The following NCAM1 variants were observed in gnomAD, a reference collection of about 807,000 sequenced individuals.
NCAM1 encodes neural cell adhesion molecule 1.
NCAM1 carries 14 observed loss-of-function variants against 109.8 expected under a neutral mutation model. The ratio of observed to expected loss-of-function variants is 0.13; its 90% CI spans 0.08 to 0.20. NCAM1 has a LOEUF of 0.20. Ranked by LOEUF, NCAM1 falls within the 10% of genes least tolerant of loss-of-function variation. The pLI is 1.00. For synonymous variants in NCAM1, 418 were observed against 442.9 expected, an observed-to-expected ratio of 0.94 and a Z score of 0.70; for missense variants, 774 against 1,109.9, an observed-to-expected ratio of 0.70 and a Z score of 4.30.
chr11:113,147,527 A>T (rs1176270135), intron 1 of NCAM1, among the ~76,000 whole-genome samples: 1 of 152,188 alleles, frequency 6.6e-6, no homozygotes, highest in African/African-American at 2.4e-5. Flanking sequence ...CCTCTTCTCT[A>T]ATGAGGTCAC....
chr11:113,164,154 T>C (rs1381476503), intron 1 of NCAM1, among the ~76,000 whole-genome samples: 1 of 152,148 alleles, frequency 6.6e-6, no homozygotes, highest in Non-Finnish European at 1.5e-5. Context: ...GAGGACTCCA[T>C]GGGGGTACAT....
chr11:113,266,758 G>A (rs1194827601), intron 17 of NCAM1, among the ~76,000 whole-genome samples: 2 of 152,230 alleles, frequency 1.3e-5, no homozygotes, highest in African/African-American at 4.8e-5. Flanking sequence ...ACAAGGATCA[G>A]TGATTAAATA....
intron 1 of NCAM1, among the ~76,000 whole-genome samples, chr11:113,069,781 A>G (rs545317849): frequency 6.8e-4 from 104 of 152,302 alleles, no homozygotes; most frequent in Non-Finnish European, 1.2e-3. Flanking sequence ...TGCTGGCATT[A>G]TTTTGGTAGA....
chr11:113,096,178 C>T (rs563283337), intron 1 of NCAM1, among the ~76,000 whole-genome samples: 1 of 152,094 alleles, frequency 6.6e-6, no homozygotes, highest in Non-Finnish European at 1.5e-5. Context: ...GAAGTGGGCA[C>T]TTACCTAACA....
At chr11:112,970,218 A>C (rs1429929295) in intron 1 of NCAM1, among the ~76,000 whole-genome samples, 1 of 152,190 alleles carries the variant, frequency 6.6e-6, no homozygotes. Flanking sequence ...GTTTAAGAGG[A>C]TAGTTAACAA....
rs1271706104 is a variant in NCAM1, at chr11:113,273,576, G to A, written c.2457-1691G>A. On this transcript the variant is annotated intron_variant, in intron 19 of 19. Transcript: ENST00000316851. The surrounding 1 kb of genome is among the most constrained non-coding windows in gnomAD (Gnocchi z 6.0). ...CAGCACCACAAACCCTTCCCAGGGC[G>A]AGGACTTTAAAATGGACGAAGGGAA... 3 of 420,598 alleles carry A rather than the reference G, an allele frequency of 7.1e-6. No individual in the cohort carries two copies. Among genetic ancestry groups the A allele is most frequent in the East Asian group, 7.3e-5 (1 of 13,620 alleles). The allele number at this position is 420,598 out of a possible 1,614,324, so 26.1% of individuals were successfully genotyped here.
chr11:113,234,129 G>A (rs919556448), intron 13 of NCAM1, among the ~76,000 whole-genome samples: 1 of 149,772 alleles, frequency 6.7e-6, no homozygotes, highest in South Asian at 2.2e-4. Flanking sequence ...CCAGGGGGCC[G>A]AGAGGAGCTG....
chr11:113,241,967 T>C (rs649862), intron 14 of NCAM1, among the ~76,000 whole-genome samples: 14,381 of 152,150 alleles, frequency 0.095, 1,040 homozygotes, highest in African/African-American at 0.2. Flanking sequence ...ATGCAGTGCT[T>C]TTCCAGGCAC....
intron 1 of NCAM1, among the ~76,000 whole-genome samples, chr11:113,087,616 T>A (rs1364824164): frequency 6.6e-6 from 1 of 152,162 alleles, no homozygotes; most frequent in Non-Finnish European, 1.5e-5. Context: ...GTGTCAAACT[T>A]CCTATTGATA....
chr11:113,211,084 C>A lies in NCAM1; in HGVS notation c.916+3082C>A, dbSNP rs578014504. 7.0e-4 allele frequency among the ~76,000 whole-genome samples: 106 copies of A among 152,342 alleles called. 1 individual carries two copies. The highest frequency in any genetic ancestry group is 2.5e-3 in the African/African-American group (102 of 41,572). ...TCATCCTCCTTTCTCTCCTCCTCCA[C>A]TGGCCTTCCCATTGGTTGAGGAAAC... On this transcript the variant is annotated intron_variant, in intron 7 of 19. Transcript: ENST00000316851.
chr11:113,174,730 T>G (rs1943095811), intron 1 of NCAM1, among the ~76,000 whole-genome samples: 1 of 152,190 alleles, frequency 6.6e-6, no homozygotes, highest in Non-Finnish European at 1.5e-5. Flanking sequence ...AAATCAGGCT[T>G]CATTAGGATT....
At chr11:113,073,312 T>C (rs1277021188) in intron 1 of NCAM1, among the ~76,000 whole-genome samples, 2 of 152,232 alleles carry the variant, frequency 1.3e-5, no homozygotes, top group Non-Finnish European at 2.9e-5. Flanking sequence ...AAAGGCCCTC[T>C]TTCTCAAAAA....
At chr11:113,128,467 A>G (rs554890372) in intron 1 of NCAM1, among the ~76,000 whole-genome samples, 26 of 152,282 alleles carry the variant, frequency 1.7e-4, no homozygotes, top group African/African-American at 5.8e-4. Context: ...CCTCCCCTCC[A>G]TGTTCACAGT....
At chr11:113,071,931 G>T (rs1938286187) in intron 1 of NCAM1, among the ~76,000 whole-genome samples, 2 of 152,132 alleles carry the variant, frequency 1.3e-5, no homozygotes. Flanking sequence ...GACGATTTGA[G>T]GTCAGGAGTT....
chr11:113,011,798 G>A (rs911561625), intron 1 of NCAM1, among the ~76,000 whole-genome samples: 4 of 152,170 alleles, frequency 2.6e-5, no homozygotes, highest in African/African-American at 7.2e-5. Flanking sequence ...CACTGTCAAT[G>A]TCTTGAAGGA....
At chr11:113,025,117 T>A (rs1275805890) in intron 1 of NCAM1, among the ~76,000 whole-genome samples, 2 of 152,248 alleles carry the variant, frequency 1.3e-5, no homozygotes, top group East Asian at 3.8e-4. Context: ...CCATTTAGTA[T>A]GCAAATCACC....
intron 1 of NCAM1, among the ~76,000 whole-genome samples, chr11:113,070,683 C>T (rs557378798): frequency 2.6e-5 from 4 of 151,992 alleles, no homozygotes; most frequent in East Asian, 3.9e-4. Context: ...GATAGGAATA[C>T]GAATAAATTT....
chr11:112,971,818 A>G (rs1555066853), intron 1 of NCAM1, among the ~76,000 whole-genome samples: 1 of 152,190 alleles, frequency 6.6e-6, no homozygotes, highest in African/African-American at 2.4e-5. Flanking sequence ...TTACAGCTGT[A>G]CATTCTATTA....
intron 1 of NCAM1, among the ~76,000 whole-genome samples, chr11:113,149,042 C>T (rs1387692141): frequency 6.6e-6 from 1 of 152,186 alleles, no homozygotes; most frequent in Admixed American, 6.5e-5. Flanking sequence ...TCTGGTCTTC[C>T]AAGACCAGAC....
Sources: allele counts gnomAD v4.1 joint callset (sites outside exome capture counted in the v4.1 genomes callset), GRCh38; gene constraint gnomAD v4.1.1; non-coding constraint Gnocchi (gnomAD v3.1); transcripts MANE v1.5; gene names NCBI Gene and HGNC (gene_info 2026-07-23, HGNC 2026-07-21).